Variants in PPP2R5A observed in about 807,000 individuals in gnomAD.
The protein encoded by PPP2R5A is protein phosphatase 2 regulatory subunit B'alpha, also known as serine/threonine-protein phosphatase 2A 56 kDa regulatory subunit alpha isoform.
PPP2R5A carries 25 observed loss-of-function variants against 64.2 expected under a neutral mutation model. That is an observed-to-expected ratio of 0.39 (90% confidence interval 0.28 to 0.54). PPP2R5A has a LOEUF of 0.54. PPP2R5A is among the 20% of genes least tolerant of loss of function. The pLI, the probability that PPP2R5A is intolerant of heterozygous loss-of-function variation, is 0.67. For missense variants in PPP2R5A, 425 were observed against 576.3 expected (o/e 0.74, Z 2.69); for synonymous variants, 198 against 201.2 (o/e 0.98, Z 0.13).
chr1:212,289,583 T>G (rs1658565024), intron 1 of PPP2R5A, among the ~76,000 whole-genome samples: 1 of 152,178 alleles, frequency 6.6e-6, no homozygotes, highest in Non-Finnish European at 1.5e-5. Context: ...GGGTTAGTCC[T>G]GGGTCAAAGG....
At chr1:212,288,082 T>A (rs965758605) in intron 1 of PPP2R5A, among the ~76,000 whole-genome samples, 1 of 152,220 alleles carries the variant, frequency 6.6e-6, no homozygotes, top group African/African-American at 2.4e-5. Flanking sequence ...AATGGCGCGA[T>A]CTCAGCTCAC....
chr1:212,299,944 C>G (rs1658769750), intron 1 of PPP2R5A, among the ~76,000 whole-genome samples: 1 of 151,962 alleles, frequency 6.6e-6, no homozygotes, highest in Admixed American at 6.6e-5. Context: ...TCCCGAGTAG[C>G]TGGGATTATA....
chr1:212,331,311 C>T (rs978424496), intron 2 of PPP2R5A: 2 of 151,722 alleles, frequency 1.3e-5, no homozygotes, highest in Admixed American at 6.6e-5. Context: ...CAAGCATACA[C>T]CACCATGCCC....
chr1:212,349,126 T>G, intron 7 of PPP2R5A, 63 bp from the exon 8 acceptor site: 1 of 1,182,930 alleles, frequency 8.5e-7, no homozygotes, highest in Non-Finnish European at 1.1e-6. Context: ...TGGCTAAATA[T>G]AAAAATCCTA....
At chr1:212,300,868 C>T (rs1001530507) in intron 1 of PPP2R5A, among the ~76,000 whole-genome samples, 14 of 151,716 alleles carry the variant, frequency 9.2e-5, no homozygotes, top group East Asian at 1.9e-4. Flanking sequence ...AAGAATGTGC[C>T]GTTTTAAAAA....
chr1:212,319,728 C>T (rs1437166149), intron 1 of PPP2R5A, among the ~76,000 whole-genome samples: 1 of 146,868 alleles, frequency 6.8e-6, no homozygotes, highest in African/African-American at 2.6e-5. Context: ...TCAAGCGATT[C>T]TCCTGTCTCA....
chr1:212,286,232 C>G lies in PPP2R5A; in HGVS notation c.122C>G (p.Ser41Trp). The change falls in exon 1 of 13, where the codon TCG becomes TGG. Residue 41 changes from serine (S) to tryptophan (W), a missense_variant. Ser to Trp is a radical substitution (Grantham distance 177). This residue lies in a region of PPP2R5A where 104 missense variants were observed against 95.7 expected (regional missense o/e 1.09). Transcript: ENST00000261461. ...CAGAGGCAGAAGCGCTCCCAGGGCTCGTCGCAGTTTCGCAGCCAGGGCAGC... is the reference window on the plus strand; with the variant it reads ...CAGAGGCAGAAGCGCTCCCAGGGCTGGTCGCAGTTTCGCAGCCAGGGCAGC... Reference protein sequence around the residue: ...KAQRQKRSQGSSQFRSQGSQA... With the variant: ...KAQRQKRSQGWSQFRSQGSQA... 6.4e-7 allele frequency: 1 copy of G among 1,565,150 alleles called. No homozygotes were observed. The highest frequency in any genetic ancestry group is 8.6e-7 in the Non-Finnish European group (1 of 1,156,836).
In PPP2R5A at chr1:212,286,209, G is replaced by A. The variant is rs1360275112; in HGVS notation, c.99G>A (p.Gln33=). 1.3e-6 allele frequency: 2 copies of A among 1,578,602 alleles called. No individual in the cohort carries two copies. Among genetic ancestry groups the A allele is most frequent in the Non-Finnish European group, 1.7e-6 (2 of 1,163,562 alleles). ...GFTRKSVRKA[Q]RQKRSQGSSQ... ...CCCGGAAATCGGTCCGCAAGGCGCA[G>A]AGGCAGAAGCGCTCCCAGGGCTCGT... is the stretch of plus-strand genomic sequence containing the variant. Residue 33 remains glutamine (Q), a synonymous_variant, in exon 1 of 13, where the codon CAG becomes CAA. Coordinates refer to ENST00000261461, the MANE Select transcript of PPP2R5A (RefSeq NM_006243.4).
At chr1:212,344,847 A>G (rs991962220) in intron 4 of PPP2R5A, among the ~76,000 whole-genome samples, 1 of 152,054 alleles carries the variant, frequency 6.6e-6, no homozygotes, top group South Asian at 2.1e-4. Flanking sequence ...CTGGTTTAAA[A>G]TTTTTCAGCT....
chr1:212,286,114 T>G lies in PPP2R5A; in HGVS notation c.4T>G (p.Ser2Ala), dbSNP rs1242389317. 1 of 1,566,802 alleles carries G rather than the reference T, an allele frequency of 6.4e-7. No homozygotes were observed. Among genetic ancestry groups the G allele is most frequent in the Non-Finnish European group, 8.6e-7 (1 of 1,160,230 alleles). ...GCCAAGCGTCAGGGCCGCGGAGATGTCGTCGTCGTCGCCGCCGGCGGGGGC... is the reference window on the plus strand; with the variant it reads ...GCCAAGCGTCAGGGCCGCGGAGATGGCGTCGTCGTCGCCGCCGGCGGGGGC... Reference protein sequence around the residue: MSSSSPPAGAAS... With the variant: MASSSPPAGAAS... The change falls in exon 1 of 13, where the codon TCG becomes GCG. Residue 2 changes from serine (S) to alanine (A), a missense_variant. Ser to Ala is a moderately conservative substitution (Grantham distance 99). This residue lies in a region of PPP2R5A where 104 missense variants were observed against 95.7 expected (regional missense o/e 1.09). Transcript: ENST00000261461.
At chr1:212,322,644 A>G (rs980607431) in intron 1 of PPP2R5A, among the ~76,000 whole-genome samples, 21 of 151,978 alleles carry the variant, frequency 1.4e-4, no homozygotes, top group Non-Finnish European at 2.8e-4. Flanking sequence ...AGTATGGCCT[A>G]CTCTTCACAA....
intron 1 of PPP2R5A, among the ~76,000 whole-genome samples, chr1:212,298,790 C>G (rs1377275021): frequency 1.5e-4 from 4 of 26,826 alleles, no homozygotes; most frequent in Non-Finnish European, 6.9e-5. Context: ...GGGCGGCTGG[C>G]CGGGCAGAGG....
chr1:212,351,102 CAAA>C (rs58625826), intron 8 of PPP2R5A, among the ~76,000 whole-genome samples: 8 of 103,742 alleles, frequency 7.7e-5, no homozygotes, highest in African/African-American at 2.1e-4. Flanking sequence ...CGAGATGACA[CAAA>C]AAAAAAAACA....
chr1:212,290,216 G>C (rs551010995), intron 1 of PPP2R5A, among the ~76,000 whole-genome samples: 2 of 152,296 alleles, frequency 1.3e-5, no homozygotes, highest in African/African-American at 4.8e-5. Flanking sequence ...CCTTTAGGGG[G>C]AAAAATGTGT....
intron 1 of PPP2R5A, among the ~76,000 whole-genome samples, chr1:212,310,120 G>A (rs867287603): frequency 1.2e-4 from 18 of 152,244 alleles, no homozygotes; most frequent in Non-Finnish European, 2.1e-4. Context: ...CATACTCCCA[G>A]CTGTTAAGTT....
intron 5 of PPP2R5A, 56 bp from the exon 6 acceptor site, chr1:212,347,291 C>G (rs1476662327): frequency 4.0e-6 from 5 of 1,260,972 alleles, no homozygotes; most frequent in Non-Finnish European, 4.6e-6. Context: ...CTGCCTGTTT[C>G]TCTTAGTTTT....
chr1:212,316,942 T>A (rs1197910909), intron 1 of PPP2R5A, among the ~76,000 whole-genome samples: 1 of 152,180 alleles, frequency 6.6e-6, no homozygotes, highest in Non-Finnish European at 1.5e-5. Flanking sequence ...TGCTTGACTG[T>A]CTTTTGGAGT....
At chr1:212,306,160 A>G (rs1187854037) in intron 1 of PPP2R5A, among the ~76,000 whole-genome samples, 1 of 151,816 alleles carries the variant, frequency 6.6e-6, no homozygotes, top group Admixed American at 6.6e-5. Flanking sequence ...TAAACATTGT[A>G]TTTTTTTTAG....
chr1:212,299,227 T>A lies in PPP2R5A; in HGVS notation c.181+12936T>A, dbSNP rs558421811. 2 of 19,638 alleles carry A rather than the reference T, an allele frequency of 1.0e-4. 1 individual carries two copies. The highest frequency in any genetic ancestry group is 2.8e-3 in the South Asian group (2 of 702). 1.2% of individuals were successfully genotyped at this position (19,638 alleles called of 1,614,324 possible). A position where few individuals can be genotyped will look rare whatever the true frequency, so the allele number is the denominator to read the frequency against. Reference sequence around the variant, plus strand: ...CGGGGTGGCTGCCGGGCGGAGACGCTCCTCACTTCCCAGACGGGGTGGTTG... The same window carrying A: ...CGGGGTGGCTGCCGGGCGGAGACGCACCTCACTTCCCAGACGGGGTGGTTG... On this transcript the variant is annotated intron_variant, in intron 1 of 12. Coordinates refer to ENST00000261461, the MANE Select transcript of PPP2R5A (RefSeq NM_006243.4).
Sources: gnomAD v4.1 joint callset for allele counts (sites outside exome capture counted in the v4.1 genomes callset) on GRCh38, gnomAD v4.1.1 for gene constraint, gnomAD v4.1.1 regional missense constraint, MANE v1.5 for transcripts, NCBI Gene and HGNC (gene_info 2026-07-23, HGNC 2026-07-21) for gene names.